The following SLC38A12 variants were observed in gnomAD, a reference collection of about 807,000 sequenced individuals.
SLC38A12 encodes the protein putative sodium-coupled neutral amino acid transporter 12.
At chr17:74,834,270 G>A in the SLC38A12 span, among the ~76,000 whole-genome samples, 17 of 152,180 alleles carry the variant, frequency 1.1e-4, no homozygotes, top group Admixed American at 3.3e-4. Context: ...CGCCGCTTCC[G>A]CTTGACTGAC....
the SLC38A12 span, among the ~76,000 whole-genome samples, chr17:74,820,104 T>C: frequency 3.3e-5 from 5 of 152,224 alleles, no homozygotes; most frequent in African/African-American, 1.2e-4. Context: ...GAGCTGGGGC[T>C]AGAGCCCAGG....
the SLC38A12 span, among the ~76,000 whole-genome samples, chr17:74,778,657 T>G: frequency 6.8e-6 from 1 of 146,374 alleles, no homozygotes; most frequent in Admixed American, 6.8e-5. Context: ...TTTTTTTTTT[T>G]TTTTTTTTGA....
At chr17:74,784,108 T>A in the SLC38A12 span, among the ~76,000 whole-genome samples, 53 of 151,958 alleles carry the variant, frequency 3.5e-4, 1 homozygote, top group South Asian at 2.5e-3. Context: ...TATCACAAAT[T>A]CAGCATGTGG....
the SLC38A12 span, among the ~76,000 whole-genome samples, chr17:74,801,529 C>T: frequency 6.6e-6 from 1 of 152,164 alleles, no homozygotes; most frequent in African/African-American, 2.4e-5. Context: ...GATGCATGTG[C>T]CAGGTCCTGT....
chr17:74,837,621 C>T, the SLC38A12 span: 6 of 985,388 alleles, frequency 6.1e-6, no homozygotes, highest in East Asian at 1.1e-4. Context: ...ACACTAAAAG[C>T]GGCTCCCTTA....
At chr17:74,783,141 A>G in the SLC38A12 span, among the ~76,000 whole-genome samples, 1 of 152,216 alleles carries the variant, frequency 6.6e-6, no homozygotes, top group African/African-American at 2.4e-5. Flanking sequence ...AAAAATAAAA[A>G]TAAAAATTGA....
chr17:74,797,351 A>G, the SLC38A12 span, among the ~76,000 whole-genome samples: 1 of 152,166 alleles, frequency 6.6e-6, no homozygotes, highest in African/African-American at 2.4e-5. Context: ...CAGATACTGC[A>G]TTTATAACTC....
At chr17:74,789,709 G>A in the SLC38A12 span, among the ~76,000 whole-genome samples, 1 of 151,608 alleles carries the variant, frequency 6.6e-6, no homozygotes, top group African/African-American at 2.4e-5. Context: ...GCCGGCCGTG[G>A]TGGCAAGTGC....
chr17:74,809,232 G>A, the SLC38A12 span, among the ~76,000 whole-genome samples: 3 of 152,188 alleles, frequency 2.0e-5, no homozygotes, highest in African/African-American at 7.2e-5. Context: ...CTTGAAAAGG[G>A]GGAAGCAGAG....
At chr17:74,794,802 C>A in the SLC38A12 span, among the ~76,000 whole-genome samples, 2 of 152,098 alleles carry the variant, frequency 1.3e-5, no homozygotes, top group Non-Finnish European at 2.9e-5. Context: ...AGTCATGAGC[C>A]GATCTGTCTC....
chr17:74,809,292 C>T, the SLC38A12 span, among the ~76,000 whole-genome samples: 1 of 152,134 alleles, frequency 6.6e-6, no homozygotes, highest in Non-Finnish European at 1.5e-5. Flanking sequence ...CATTCAAAGA[C>T]GGTCCTTCAG....
At chr17:74,794,876 T>C in the SLC38A12 span, 2 of 719,696 alleles carry the variant, frequency 2.8e-6, no homozygotes, top group Non-Finnish European at 2.3e-6. Flanking sequence ...TTTTCCCACT[T>C]TTTGTAGAAA....
the SLC38A12 span, among the ~76,000 whole-genome samples, chr17:74,834,599 G>A: frequency 6.6e-6 from 1 of 152,172 alleles, no homozygotes; most frequent in African/African-American, 2.4e-5. Context: ...GCCCAAAGGG[G>A]ACCATAGGAT....
At chr17:74,795,495 C>T in the SLC38A12 span, 12 of 1,605,960 alleles carry the variant, frequency 7.5e-6, no homozygotes, top group Admixed American at 3.4e-5. Context: ...CCTCGCTGAG[C>T]CTGGGCCTGC....
the SLC38A12 span, among the ~76,000 whole-genome samples, chr17:74,819,383 GTC>G: frequency 1.3e-5 from 2 of 152,202 alleles, no homozygotes; most frequent in Admixed American, 6.5e-5. Flanking sequence ...TTGCCATTAT[GTC>G]TCTAGCCCAT....
the SLC38A12 span, among the ~76,000 whole-genome samples, chr17:74,818,155 C>T: frequency 1.3e-5 from 2 of 152,206 alleles, no homozygotes; most frequent in Non-Finnish European, 2.9e-5. Context: ...CATGCGCTAC[C>T]GTGTCCCCAG....
At chr17:74,817,188 G>A in the SLC38A12 span, among the ~76,000 whole-genome samples, 1 of 152,168 alleles carries the variant, frequency 6.6e-6, no homozygotes, top group African/African-American at 2.4e-5. Context: ...CTCGCAGTCT[G>A]TGTCTTCATC....
At chr17:74,832,264 G>C in the SLC38A12 span, among the ~76,000 whole-genome samples, 1 of 151,960 alleles carries the variant, frequency 6.6e-6, no homozygotes, top group Admixed American at 6.5e-5. Flanking sequence ...CGAGCTTCTA[G>C]ATGGTGCTAG....
chr17:74,787,743 C>G, the SLC38A12 span, among the ~76,000 whole-genome samples: 1 of 152,086 alleles, frequency 6.6e-6, no homozygotes, highest in Non-Finnish European at 1.5e-5. Context: ...TCTGTATCCT[C>G]CGTTAACAAA....
Sources: allele counts gnomAD v4.1 joint callset (sites outside exome capture counted in the v4.1 genomes callset), GRCh38; gene constraint gnomAD v4.1.1; transcripts MANE v1.5; gene names NCBI Gene and HGNC (gene_info 2026-07-23, HGNC 2026-07-21).